Variants in DLGAP4 observed in about 807,000 individuals in gnomAD.
DLGAP4 encodes the protein disks large-associated protein 4.
DLGAP4 carries 18 observed loss-of-function variants against 86.9 expected under a neutral mutation model. The observed-to-expected ratio is 0.21, with a 90% CI of 0.14 to 0.31. The LOEUF (loss-of-function observed/expected upper bound fraction) is 0.31, where lower values mean the gene tolerates loss of function less well. Ranked by LOEUF, DLGAP4 falls within the 10% of genes least tolerant of loss-of-function variation. The pLI, the probability that DLGAP4 is intolerant of heterozygous loss-of-function variation, is 1.00. For missense variants in DLGAP4, 1,085 were observed against 1,362.6 expected, an observed-to-expected ratio of 0.80 and a Z score of 3.21; for synonymous variants, 548 against 574.3, an observed-to-expected ratio of 0.95 and a Z score of 0.65.
chr20:36,465,712 C>A (rs1355024435), intron 7 of DLGAP4, among the ~76,000 whole-genome samples: 2 of 152,204 alleles, frequency 1.3e-5, no homozygotes, highest in Non-Finnish European at 2.9e-5. Flanking sequence ...CTGCTGGAGA[C>A]CTGCAGATTG....
chr20:36,478,758 T>C (rs2035054876), intron 7 of DLGAP4, among the ~76,000 whole-genome samples: 3 of 152,216 alleles, frequency 2.0e-5, no homozygotes, highest in African/African-American at 7.2e-5. Context: ...CCTGTAGGGT[T>C]TGTACTCACT....
chr20:36,373,345 A>G (rs139355806), intron 2 of DLGAP4, among the ~76,000 whole-genome samples: 48 of 152,330 alleles, frequency 3.2e-4, no homozygotes, highest in African/African-American at 1.1e-3. Context: ...TTAAGCTCTC[A>G]TGTACAGGTA....
chr20:36,513,350 C>T (rs922528222), intron 10 of DLGAP4, among the ~76,000 whole-genome samples: 8 of 150,902 alleles, frequency 5.3e-5, no homozygotes, highest in Admixed American at 4.0e-4. Flanking sequence ...AGATCGAGAC[C>T]ATCCTGGCTA....
Position 36,485,668 on chromosome 20 carries a change from A to G in DLGAP4, c.1649-11037A>G, listed in dbSNP as rs564540041. 3.3e-5 allele frequency among the ~76,000 whole-genome samples: 5 copies of G among 152,308 alleles called. No homozygotes were observed. The East Asian group carries it at 5.8e-4, about 18-fold the overall frequency. ...AGCAGAGCTTTCTGCGCTGCCACTC[A>G]TAAGAGTAAAAAGCCTCTTCTCCCA... On this transcript the variant is annotated intron_variant, in intron 7 of 12. Coordinates refer to ENST00000339266, the MANE Select transcript of DLGAP4 (RefSeq NM_001365621.2).
chr20:36,409,712 CAA>C (rs569430649), intron 2 of DLGAP4, among the ~76,000 whole-genome samples: 19 of 128,766 alleles, frequency 1.5e-4, no homozygotes, highest in African/African-American at 2.0e-4. Flanking sequence ...AAGACTGTCT[CAA>C]AAAAAAAAAA....
At chr20:36,321,608 G>A (rs2065169381) in intron 1 of DLGAP4, among the ~76,000 whole-genome samples, 1 of 152,256 alleles carries the variant, frequency 6.6e-6, no homozygotes, top group South Asian at 2.1e-4. Context: ...CTGCGCCCGA[G>A]TCTAGGAGGG....
At chr20:36,512,099 A>G (rs532590723) in intron 10 of DLGAP4, among the ~76,000 whole-genome samples, 43 of 131,796 alleles carry the variant, frequency 3.3e-4, no homozygotes, top group Non-Finnish European at 4.1e-4. Context: ...TGCCCAGGCT[A>G]GAGTGCAGTG....
At position 36,461,383 on chromosome 20, in the gene DLGAP4, C is replaced by T. The variant is rs1188081305; in HGVS notation, c.1648+14446C>T. On this transcript the variant is annotated intron_variant, in intron 7 of 12. Coordinates refer to ENST00000339266, the MANE Select transcript of DLGAP4 (RefSeq NM_001365621.2). ...GCGCCCCTGCCCGGCCCGGGAGTCC[C>T]TGACGACGCGCGCGCGGCTGACGCG... 5 of 916,492 alleles carry T rather than the reference C, an allele frequency of 5.5e-6. No homozygotes were observed. In the South Asian group the frequency reaches 1.5e-4, roughly 27 times the overall value. 56.8% of individuals were successfully genotyped at this position (916,492 alleles called of 1,614,324 possible).
Position 36,393,347 on chromosome 20 carries a change from T to C in DLGAP4, c.-73+26072T>C, listed in dbSNP as rs1600475079. ...AACCCCAAGCTCTACACTCCCTCGC[T>C]GTGTGGCCTAGGGTCTCCTCTTTGC... On this transcript the variant is annotated intron_variant, in intron 2 of 12. Coordinates refer to ENST00000339266, the MANE Select transcript of DLGAP4 (RefSeq NM_001365621.2). The surrounding 1 kb of genome is among the most constrained non-coding windows in gnomAD (Gnocchi z 4.4). Among the ~76,000 whole-genome samples the C allele has an allele frequency of 6.6e-6, 1 of 152,082 alleles. No individual in the cohort carries two copies. The highest frequency in any genetic ancestry group is 1.9e-4 in the East Asian group (1 of 5,190).
At chr20:36,443,805 G>A (rs1187746235) in intron 6 of DLGAP4, among the ~76,000 whole-genome samples, 2 of 152,092 alleles carry the variant, frequency 1.3e-5, no homozygotes, top group Non-Finnish European at 2.9e-5. Context: ...AGTGCTACCT[G>A]TATTCGTGGG....
chr20:36,382,778 C>G (rs1288254202), intron 2 of DLGAP4, among the ~76,000 whole-genome samples: 2 of 151,998 alleles, frequency 1.3e-5, no homozygotes, highest in Non-Finnish European at 2.9e-5. Context: ...CATCCACCCA[C>G]TTCAGCCTCC....
At chr20:36,391,339 C>T (rs2031778633) in intron 2 of DLGAP4, among the ~76,000 whole-genome samples, 1 of 152,216 alleles carries the variant, frequency 6.6e-6, no homozygotes, top group East Asian at 1.9e-4. Context: ...TTCTCCAGGC[C>T]ATGCGATCTG....
At chr20:36,421,135 ACCC>A (rs2032812582) in intron 2 of DLGAP4, among the ~76,000 whole-genome samples, 1 of 151,482 alleles carries the variant, frequency 6.6e-6, no homozygotes, top group African/African-American at 2.4e-5. Context: ...ACACAGCAAG[ACCC>A]TATTTCAAAA....
intron 1 of DLGAP4, among the ~76,000 whole-genome samples, chr20:36,332,842 A>C (rs6067465): frequency 0.46 from 69,436 of 151,030 alleles, 16,225 homozygotes; most frequent in East Asian, 0.65. Context: ...CTTCTGAGCC[A>C]TGACCTCAAT....
At chr20:36,344,000 G>C (rs1464957435) in intron 1 of DLGAP4, among the ~76,000 whole-genome samples, 1 of 152,218 alleles carries the variant, frequency 6.6e-6, no homozygotes, top group East Asian at 1.9e-4. Flanking sequence ...GGGTGCAGGG[G>C]AGTGCTGTTC....
chr20:36,465,710 G>C (rs922488119), intron 7 of DLGAP4, among the ~76,000 whole-genome samples: 1 of 152,198 alleles, frequency 6.6e-6, no homozygotes, highest in Admixed American at 6.5e-5. Context: ...CACTGCTGGA[G>C]ACCTGCAGAT....
At chr20:36,328,461 A>G (rs1276439931) in intron 1 of DLGAP4, among the ~76,000 whole-genome samples, 6 of 150,976 alleles carry the variant, frequency 4.0e-5, no homozygotes, top group African/African-American at 1.5e-4. Context: ...TTATTTGTAT[A>G]CAAAACTGGC....
rs139064357 is a variant in DLGAP4 at position 36,347,172 on chromosome 20, G to A, written c.-303-19873G>A. Among the ~76,000 whole-genome samples, 10 of 152,302 alleles carry A rather than the reference G, an allele frequency of 6.6e-5. No homozygotes were observed. The East Asian group carries it at 1.9e-3, about 29-fold the overall frequency. On this transcript the variant is annotated intron_variant, in intron 1 of 12. Coordinates refer to ENST00000339266, the MANE Select transcript of DLGAP4 (RefSeq NM_001365621.2). ...TGGGGGCAGAACCTCAAGGAAGGCT[G>A]AGGATGGTCCATCATCAGCAACCCC...
chr20:36,395,240 G>A (rs2031911496), intron 2 of DLGAP4, among the ~76,000 whole-genome samples: 1 of 152,028 alleles, frequency 6.6e-6, no homozygotes. Flanking sequence ...TTCTCTAATT[G>A]GCTTCCAAGA....
Sources: gnomAD v4.1 joint callset for allele counts (sites outside exome capture counted in the v4.1 genomes callset) on GRCh38, gnomAD v4.1.1 for gene constraint, Gnocchi (gnomAD v3.1) non-coding constraint, MANE v1.5 for transcripts, NCBI Gene and HGNC (gene_info 2026-07-23, HGNC 2026-07-21) for gene names.